Variants in NCOR1 observed in about 807,000 individuals in gnomAD.
NCOR1 encodes the protein nuclear receptor corepressor 1.
Under a neutral mutation model 288.1 loss-of-function variants are expected in NCOR1, and 63 were observed. The observed-to-expected ratio is 0.22, with a 90% confidence interval of 0.18 to 0.27. The LOEUF (loss-of-function observed/expected upper bound fraction) is 0.27. Among genes scored for constraint, NCOR1 ranks in the 10% least tolerant of loss-of-function variants. The pLI is 1.00. For missense variants in NCOR1, 2,397 were observed against 3,019.2 expected, an observed-to-expected ratio of 0.79 and a Z score of 4.83; for synonymous variants, 1,007 against 1,065.9, an observed-to-expected ratio of 0.94 and a Z score of 1.08.
intron 2 of NCOR1, among the ~76,000 whole-genome samples, chr17:16,192,815 A>C (rs2088788697): frequency 6.6e-6 from 1 of 152,220 alleles, no homozygotes; most frequent in Non-Finnish European, 1.5e-5. Context: ...CAAAAACTGG[A>C]ATAGGTGATT....
Position 16,131,780 on chromosome 17 carries a change from C to A in NCOR1, c.1509+5531G>T, listed in dbSNP as rs1176403336. ...GTGAAAGCTGTCAATCACCAAAAAA[C>A]ACACTGTGGCAATGGCAATAAAGAT... On this transcript the variant is annotated intron_variant, in intron 14 of 45. Transcript: ENST00000268712. Among the ~76,000 whole-genome samples the A allele has an allele frequency of 4.6e-5, 7 of 152,310 alleles. No individual in the cohort carries two copies. The South Asian group carries it at 1.2e-3, about 27-fold the overall frequency.
At chr17:16,078,716 C>T (rs1042493577) in intron 26 of NCOR1, among the ~76,000 whole-genome samples, 1 of 152,152 alleles carries the variant, frequency 6.6e-6, no homozygotes, top group Non-Finnish European at 1.5e-5. Flanking sequence ...GCTGGGATTA[C>T]AGGCGCACAC....
intron 3 of NCOR1, among the ~76,000 whole-genome samples, chr17:16,182,977 C>A: frequency 6.6e-6 from 1 of 151,596 alleles, no homozygotes. Flanking sequence ...TCAAAAAGTC[C>A]AAAATCTTTT....
rs562610903 is a variant in NCOR1 at position 16,206,905 on chromosome 17, C to T, written c.-71+8457G>A. ...ATCCAAGAAGTGGTTCTTTCAATTT[C>T]GGTATATATATAAAATAATGTATTA... On this transcript the variant is annotated intron_variant, in intron 1 of 45. Coordinates refer to ENST00000268712, the MANE Select transcript of NCOR1 (RefSeq NM_006311.4). 1.5e-4 allele frequency among the ~76,000 whole-genome samples: 23 copies of T among 152,056 alleles called. No homozygotes were observed. The South Asian group carries it at 4.4e-3, about 29-fold the overall frequency.
At chr17:16,125,294 C>T (rs2073814586) in intron 15 of NCOR1, among the ~76,000 whole-genome samples, 1 of 152,108 alleles carries the variant, frequency 6.6e-6, no homozygotes, top group Non-Finnish European at 1.5e-5. Context: ...ACTTGGGAGG[C>T]AGAGGTTGCA....
At chr17:16,042,661 G>C (rs150415805) in intron 42 of NCOR1, among the ~76,000 whole-genome samples, 39 of 152,332 alleles carry the variant, frequency 2.6e-4, no homozygotes, top group Non-Finnish European at 3.7e-4. Context: ...AAGCCACTGT[G>C]GAGGCCAACT....
chr17:16,174,777 T>C (rs1051778508), intron 3 of NCOR1, among the ~76,000 whole-genome samples: 1 of 152,200 alleles, frequency 6.6e-6, no homozygotes, highest in Non-Finnish European at 1.5e-5. Flanking sequence ...AATTAATGTA[T>C]TTGCCTTTTA....
intron 3 of NCOR1, among the ~76,000 whole-genome samples, chr17:16,186,229 A>G (rs2086655259): frequency 6.6e-6 from 1 of 152,182 alleles, no homozygotes; most frequent in Admixed American, 6.5e-5. Flanking sequence ...CCAACTCCAG[A>G]GATTGATTTA....
chr17:16,193,307 T>G (rs1278093610), intron 2 of NCOR1, among the ~76,000 whole-genome samples: 1 of 152,182 alleles, frequency 6.6e-6, no homozygotes, highest in East Asian at 1.9e-4. Flanking sequence ...TTTGGCTCAC[T>G]GCAACCTCTG....
At chr17:16,060,050 C>T (rs1316136569) in intron 37 of NCOR1, among the ~76,000 whole-genome samples, 2 of 152,186 alleles carry the variant, frequency 1.3e-5, no homozygotes, top group African/African-American at 4.8e-5. Flanking sequence ...AGTAGAAAGT[C>T]GGAATCCAAA....
At position 16,064,974 on chromosome 17, in the gene NCOR1, T is replaced by G; in HGVS notation, c.4997A>C (p.His1666Pro). The change falls in exon 34 of 46, where the codon CAT (histidine) becomes CCT (proline). Residue 1666 changes from histidine (H) to proline (P), a missense_variant. By Grantham distance (77) the His-to-Pro change is moderately conservative. Transcript: ENST00000268712. ...GGGAGGAGTGCTTGTTCCCCCTGGA[T>G]GAGGCACTAAAATTGTTGGAGGCAT... ...TNMPPTILVP[H>P]PGGTSTPPMD... The G allele has an allele frequency of 1.9e-6, 3 of 1,613,958 alleles. No individual in the cohort carries two copies. The highest frequency in any genetic ancestry group is 2.5e-6 in the Non-Finnish European group (3 of 1,179,850).
chr17:16,199,794 G>C (rs2090510543), intron 1 of NCOR1, among the ~76,000 whole-genome samples: 1 of 152,124 alleles, frequency 6.6e-6, no homozygotes, highest in Non-Finnish European at 1.5e-5. Context: ...GATTTTATAA[G>C]CAACTTCCTC....
intron 22 of NCOR1, among the ~76,000 whole-genome samples, chr17:16,087,637 T>C (rs1023182505): frequency 6.6e-6 from 1 of 152,200 alleles, no homozygotes; most frequent in African/African-American, 2.4e-5. Flanking sequence ...CAGGCAAACA[T>C]CAGATTATCA....
intron 5 of NCOR1, 42 bp from the exon 6 acceptor site, chr17:16,158,915 C>T: frequency 7.2e-7 from 1 of 1,387,554 alleles, no homozygotes. Flanking sequence ...GTGCTGCACA[C>T]CACACCCAGC....
chr17:16,075,610 C>G lies in NCOR1; in HGVS notation c.3594G>C (p.Glu1198Asp), dbSNP rs761745127. 1 of 1,614,234 alleles carries G rather than the reference C, an allele frequency of 6.2e-7. No homozygotes were observed. The highest frequency in any genetic ancestry group is 1.3e-5 in the African/African-American group (1 of 75,072). The change falls in exon 27 of 46, where the codon GAG becomes GAC. Residue 1198 changes from glutamate (E) to aspartate (D), a missense_variant. Glu to Asp is a conservative substitution (Grantham distance 45, BLOSUM62 2). Transcript: ENST00000268712. ...TGGATGCAGCTTCCTCTCTGCCTTTCTCAGGACTGCTGTCTTCAATGGGCA... is the reference window on the plus strand; with the variant it reads ...TGGATGCAGCTTCCTCTCTGCCTTTGTCAGGACTGCTGTCTTCAATGGGCA... ...SRMPIEDSSP[E>D]KGREEAASKG...
chr17:16,087,695 T>C (rs1382862080), intron 22 of NCOR1, among the ~76,000 whole-genome samples: 1 of 152,230 alleles, frequency 6.6e-6, no homozygotes, highest in African/African-American at 2.4e-5. Context: ...TTATTAGCTT[T>C]GCGAGGATTT....
chr17:16,127,514 T>C (rs570484348), intron 14 of NCOR1, among the ~76,000 whole-genome samples: 1 of 147,596 alleles, frequency 6.8e-6, no homozygotes, highest in Non-Finnish European at 1.5e-5. Context: ...TACATATGTG[T>C]ATATACACAC....
In NCOR1 at chr17:16,036,979, C is replaced by CT; in HGVS notation, c.6956-2036dup. 2.0e-5 allele frequency among the ~76,000 whole-genome samples: 3 copies of CT among 152,340 alleles called. No homozygotes were observed. In the Middle Eastern group the frequency reaches 0.01, roughly 518 times the overall value. On this transcript the variant is annotated intron_variant, in intron 44 of 45. Coordinates refer to ENST00000268712, the MANE Select transcript of NCOR1 (RefSeq NM_006311.4). ...CAGCCTGTCTTGGCTTTCAACATGC[C>CT]TTTCTCACTAAGCTTAATCATTTCT...
At position 16,159,891 on chromosome 17, in the gene NCOR1, T is replaced by G. The variant is rs150643124; in HGVS notation, c.619-1018A>C. Among the ~76,000 whole-genome samples the G allele has an allele frequency of 5.4e-3, 806 of 150,218 alleles. 6 individuals are homozygous for G. The highest frequency in any genetic ancestry group is 0.019 in the African/African-American group (763 of 40,786). Reference sequence around the variant, plus strand: ...TCTTGCTCTGTCACCAAGGCTGGAGTGCAATGGCGCTCACTGCAACCTCCG... The same window carrying G: ...TCTTGCTCTGTCACCAAGGCTGGAGGGCAATGGCGCTCACTGCAACCTCCG... On this transcript the variant is annotated intron_variant, in intron 5 of 45. Coordinates refer to ENST00000268712, the MANE Select transcript of NCOR1 (RefSeq NM_006311.4).
Sources: gnomAD v4.1 joint callset for allele counts (sites outside exome capture counted in the v4.1 genomes callset) on GRCh38, gnomAD v4.1.1 for gene constraint, MANE v1.5 for transcripts, NCBI Gene and HGNC (gene_info 2026-07-23, HGNC 2026-07-21) for gene names.